The following CCDC171 variants were observed in gnomAD, a reference collection of about 807,000 sequenced individuals.
CCDC171 encodes coiled-coil domain-containing protein 171.
A neutral mutation model predicts 168.2 loss-of-function variants in CCDC171; 177 were observed. The ratio of observed to expected loss-of-function variants is 1.05; its 90% CI spans 0.93 to 1.19. The LOEUF (loss-of-function observed/expected upper bound fraction) is 1.19, where lower values mean the gene tolerates loss of function less well. Ranked by LOEUF, CCDC171 falls within the 50% of genes most tolerant of loss-of-function variation. The pLI, the probability that CCDC171 is intolerant of heterozygous loss-of-function variation, is 0.00. For missense variants in CCDC171, 1,991 were observed against 1,539.0 expected (o/e 1.29, Z -4.91); for synonymous variants, 687 against 540.8 (o/e 1.27, Z -3.75).
chr9:15,619,564 A>C (rs763734956), intron 6 of CCDC171, among the ~76,000 whole-genome samples: 2 of 152,196 alleles, frequency 1.3e-5, no homozygotes, highest in South Asian at 4.1e-4. Context: ...GTTGGAGGCT[A>C]GGAGAGATTG....
At chr9:15,671,720 A>T (rs185742342) in intron 9 of CCDC171, among the ~76,000 whole-genome samples, 1 of 152,084 alleles carries the variant, frequency 6.6e-6, no homozygotes, top group African/African-American at 2.4e-5. Flanking sequence ...AGTATTCCAT[A>T]GTGTATATGT....
In CCDC171 at chr9:15,800,283, C is replaced by G. The variant is rs534308159; in HGVS notation, c.3267+15589C>G. Among the ~76,000 whole-genome samples the G allele has an allele frequency of 1.4e-3, 207 of 152,162 alleles. 1 individual carries two copies. The highest frequency in any genetic ancestry group is 2.4e-3 in the Non-Finnish European group (161 of 67,944). On this transcript the variant is annotated intron_variant, in intron 21 of 25. Coordinates refer to ENST00000380701, the MANE Select transcript of CCDC171 (RefSeq NM_173550.4). Reference sequence around the variant, plus strand: ...CCCTTGTGCATCCATTTGTTACTCCCTGTCTTTAGGATAAAAGCCATTTTA... The same window carrying G: ...CCCTTGTGCATCCATTTGTTACTCCGTGTCTTTAGGATAAAAGCCATTTTA...
intron 23 of CCDC171, among the ~76,000 whole-genome samples, chr9:15,853,748 TA>T (rs1208561904): frequency 2.6e-5 from 4 of 151,612 alleles, no homozygotes; most frequent in Admixed American, 6.6e-5. Context: ...AGATCCTCTT[TA>T]TCAGTTTGAG....
At chr9:15,946,872 A>T (rs992343903) in intron 25 of CCDC171, among the ~76,000 whole-genome samples, 1 of 151,996 alleles carries the variant, frequency 6.6e-6, no homozygotes, top group Non-Finnish European at 1.5e-5. Flanking sequence ...GTTTCAAGAT[A>T]TGTTGTTAAA....
chr9:15,771,633 A>C (rs1342017636), intron 18 of CCDC171, among the ~76,000 whole-genome samples: 1 of 152,154 alleles, frequency 6.6e-6, no homozygotes, highest in African/African-American at 2.4e-5. Context: ...ATTTTTATAT[A>C]GTTTAAAATT....
chr9:15,971,457 T>C (rs1286981244), intron 25 of CCDC171, 152 bp from the exon 26 acceptor site: 1 of 561,162 alleles, frequency 1.8e-6, no homozygotes, highest in East Asian at 2.9e-5. Context: ...AATTTACTAT[T>C]TATATATTCT....
intron 23 of CCDC171, among the ~76,000 whole-genome samples, chr9:15,868,308 C>T (rs1462067745): frequency 2.0e-5 from 3 of 152,044 alleles, no homozygotes; most frequent in Non-Finnish European, 4.4e-5. Flanking sequence ...CCTGCTTCTG[C>T]TGAGAGAGTG....
chr9:15,562,921 C>T (rs745412015), intron 1 of CCDC171, among the ~76,000 whole-genome samples: 1 of 151,992 alleles, frequency 6.6e-6, no homozygotes, highest in Non-Finnish European at 1.5e-5. Flanking sequence ...CTTGGTGCCC[C>T]CCACTTAATA....
chr9:15,723,225 G>A (rs975583124), intron 12 of CCDC171, among the ~76,000 whole-genome samples: 2 of 152,160 alleles, frequency 1.3e-5, no homozygotes, highest in African/African-American at 2.4e-5. Context: ...GCATGTGACC[G>A]ACCCTGAAGT....
At chr9:15,854,892 C>T (rs2061287753) in intron 23 of CCDC171, among the ~76,000 whole-genome samples, 1 of 151,302 alleles carries the variant, frequency 6.6e-6, no homozygotes, top group South Asian at 2.1e-4. Flanking sequence ...GGAAATTTTC[C>T]ACACTTTATT....
intron 10 of CCDC171, among the ~76,000 whole-genome samples, chr9:15,687,281 A>T (rs184370664): frequency 6.6e-6 from 1 of 152,234 alleles, no homozygotes; most frequent in East Asian, 1.9e-4. Flanking sequence ...GAAACTTACA[A>T]CCATAGTCAT....
intron 20 of CCDC171, among the ~76,000 whole-genome samples, chr9:15,783,378 A>AT (rs1238802062): frequency 3.3e-5 from 5 of 152,240 alleles, no homozygotes; most frequent in Non-Finnish European, 7.4e-5. Flanking sequence ...AATCAAAAGG[A>AT]TTTTTTTCAC....
At chr9:15,768,640 A>G in intron 18 of CCDC171, among the ~76,000 whole-genome samples, 1 of 152,352 alleles carries the variant, frequency 6.6e-6, no homozygotes, top group South Asian at 2.1e-4. Flanking sequence ...AACCTCATGT[A>G]ATCTCCTTAT....
chr9:15,739,276 T>A (rs773264653), intron 16 of CCDC171, among the ~76,000 whole-genome samples: 13 of 152,146 alleles, frequency 8.5e-5, no homozygotes, highest in Non-Finnish European at 1.8e-4. Flanking sequence ...CTACAGAACA[T>A]GTTAAATTGT....
chr9:15,922,184 T>C (rs995204289), intron 25 of CCDC171: 1 of 402,446 alleles, frequency 2.5e-6, no homozygotes. Flanking sequence ...TGCGAAACAT[T>C]CCCCCAGGTG....
chr9:15,799,449 T>C (rs1303744719), intron 21 of CCDC171, among the ~76,000 whole-genome samples: 1 of 151,792 alleles, frequency 6.6e-6, no homozygotes, highest in Non-Finnish European at 1.5e-5. Flanking sequence ...GTAAAGGTTT[T>C]CTTTACAAAT....
chr9:15,802,521 T>G (rs2135805621), intron 21 of CCDC171, among the ~76,000 whole-genome samples: 1 of 152,266 alleles, frequency 6.6e-6, no homozygotes, highest in Middle Eastern at 3.4e-3. Context: ...GGTTTTCTGT[T>G]CCTGTATTAG....
At chr9:15,690,282 C>T (rs2050696610) in intron 10 of CCDC171, among the ~76,000 whole-genome samples, 1 of 151,760 alleles carries the variant, frequency 6.6e-6, no homozygotes, top group Non-Finnish European at 1.5e-5. Flanking sequence ...ATGTCTCAGT[C>T]AAGTTTAAAA....
intron 25 of CCDC171, among the ~76,000 whole-genome samples, chr9:15,958,348 A>T (rs1229028021): frequency 1.3e-5 from 2 of 152,056 alleles, no homozygotes; most frequent in Admixed American, 6.6e-5. Context: ...TGACTGAGGA[A>T]CTGAACTTTA....
Sources: gnomAD v4.1 joint callset for allele counts (sites outside exome capture counted in the v4.1 genomes callset) on GRCh38, gnomAD v4.1.1 for gene constraint, MANE v1.5 for transcripts, NCBI Gene and HGNC (gene_info 2026-07-23, HGNC 2026-07-21) for gene names.